Variants in MAOB observed in about 807,000 individuals in gnomAD.
MAOB encodes amine oxidase [flavin-containing] B.
A neutral mutation model predicts 41.9 loss-of-function variants in MAOB; 15 were observed. The observed-to-expected ratio is 0.36, with a 90% CI of 0.24 to 0.55. MAOB has a LOEUF of 0.55. MAOB is among the 20% of genes least tolerant of loss of function. The pLI is 0.86. For synonymous variants in MAOB, 167 were observed against 144.2 expected, an observed-to-expected ratio of 1.16 and a Z score of -1.13; for missense variants, 345 against 398.7, an observed-to-expected ratio of 0.87 and a Z score of 1.15.
chrX:43,802,311 CTTTTA>C, intron 4 of MAOB, 48 bp from the exon 5 acceptor site: 8 of 860,471 alleles, frequency 9.3e-6, no homozygotes, highest in Non-Finnish European at 1.3e-5. Flanking sequence ...GTAATTTTCT[CTTTTA>C]TTTTATTCAT....
chrX:43,863,348 T>C (rs2035345533), intron 1 of MAOB, among the ~76,000 whole-genome samples: 1 of 111,677 alleles, frequency 9.0e-6, no homozygotes, highest in African/African-American at 3.2e-5. Flanking sequence ...TCATAAAGAC[T>C]GTAATAATAT....
chrX:43,856,049 A>T (rs767014924), intron 1 of MAOB, among the ~76,000 whole-genome samples: 1 of 111,285 alleles, frequency 9.0e-6, no homozygotes, highest in Non-Finnish European at 1.9e-5. Flanking sequence ...AACAAAAAAA[A>T]CCCCAAAACT....
At chrX:43,828,309 C>G (rs775280907) in intron 3 of MAOB, among the ~76,000 whole-genome samples, 20 of 112,044 alleles carry the variant, frequency 1.8e-4, no homozygotes, top group Non-Finnish European at 3.4e-4. Context: ...GCTCTCTATT[C>G]TTACGTTTAT....
chrX:43,828,622 C>T (rs761861067), intron 3 of MAOB, among the ~76,000 whole-genome samples: 14 of 111,436 alleles, frequency 1.3e-4, no homozygotes, highest in African/African-American at 4.2e-4. Context: ...CAATTCAGTC[C>T]TCAGCACCCT....
chrX:43,798,710 T>C lies in MAOB; in HGVS notation c.477-1444A>G, dbSNP rs532148788. ...CTTTGACATGAAGTTTGCATATTGT[T>C]AATCTTGTTATATCTGAGGCAGCAT... On this transcript the variant is annotated intron_variant, in intron 5 of 14. Transcript: ENST00000378069. 6.3e-5 allele frequency among the ~76,000 whole-genome samples: 7 copies of C among 111,930 alleles called. No homozygotes were observed. The South Asian group carries it at 1.9e-3, about 30-fold the overall frequency.
At chrX:43,809,509 T>C (rs915640912) in intron 3 of MAOB, among the ~76,000 whole-genome samples, 2 of 112,612 alleles carry the variant, frequency 1.8e-5, no homozygotes, top group East Asian at 5.6e-4. Flanking sequence ...AAATCTTCTT[T>C]TGTAAGATTA....
intron 12 of MAOB, among the ~76,000 whole-genome samples, chrX:43,774,679 C>T (rs1046403616): frequency 2.7e-5 from 3 of 111,525 alleles, no homozygotes; most frequent in South Asian, 3.8e-4. Flanking sequence ...ATTTTGTCCC[C>T]GTGTTGGCAG....
chrX:43,779,864 A>G (rs893722201), intron 10 of MAOB, among the ~76,000 whole-genome samples: 1 of 111,712 alleles, frequency 9.0e-6, no homozygotes, highest in Non-Finnish European at 1.9e-5. Flanking sequence ...ACTAATTGCA[A>G]GAAGAAATTG....
At chrX:43,812,428 T>C (rs2034760059) in intron 3 of MAOB, among the ~76,000 whole-genome samples, 1 of 112,116 alleles carries the variant, frequency 8.9e-6, no homozygotes, top group Non-Finnish European at 1.9e-5. Flanking sequence ...CAAATGGTTC[T>C]CCATAGTGGT....
chrX:43,826,837 C>G (rs1439464506), intron 3 of MAOB, among the ~76,000 whole-genome samples: 1 of 111,925 alleles, frequency 8.9e-6, no homozygotes, highest in Non-Finnish European at 1.9e-5. Context: ...ATTACCTAAT[C>G]ACCTCTTAAA....
intron 3 of MAOB, among the ~76,000 whole-genome samples, chrX:43,805,215 T>C (rs5906017): frequency 6.5e-4 from 73 of 111,719 alleles, no homozygotes; most frequent in Non-Finnish European, 1.3e-3. Context: ...TACAATACAT[T>C]GTTTTTAACT....
At chrX:43,807,083 T>C (rs745619651) in intron 3 of MAOB, among the ~76,000 whole-genome samples, 8 of 112,241 alleles carry the variant, frequency 7.1e-5, no homozygotes, top group African/African-American at 2.6e-4. Flanking sequence ...GCATGCTGAT[T>C]TTGTTTTATA....
chrX:43,788,857 A>C (rs1388412027), intron 8 of MAOB, among the ~76,000 whole-genome samples: 1 of 111,445 alleles, frequency 9.0e-6, no homozygotes, highest in Non-Finnish European at 1.9e-5. Context: ...ATGTATTTCC[A>C]GTATATATAG....
intron 9 of MAOB, 116 bp downstream of exon 9, chrX:43,781,332 T>C: frequency 8.6e-6 from 3 of 349,584 alleles, no homozygotes; most frequent in Middle Eastern, 1.0e-3. Flanking sequence ...ATTTGAAAAA[T>C]AATACCACTG....
chrX:43,838,781 A>C (rs1406627497), intron 3 of MAOB, 87 bp downstream of exon 3: 1 of 884,829 alleles, frequency 1.1e-6, no homozygotes, highest in Non-Finnish European at 1.5e-6. Flanking sequence ...GAGATATAGA[A>C]GATTCTCTGA....
intron 1 of MAOB, among the ~76,000 whole-genome samples, chrX:43,879,006 A>G (rs1056521445): frequency 1.6e-4 from 18 of 111,924 alleles, no homozygotes; most frequent in African/African-American, 4.9e-4. Flanking sequence ...GGGATTGAAC[A>G]AGAACTATTC....
chrX:43,816,079 C>T (rs1432251873), intron 3 of MAOB, among the ~76,000 whole-genome samples: 2 of 111,698 alleles, frequency 1.8e-5, no homozygotes, highest in East Asian at 2.8e-4. Flanking sequence ...TTGAATTTCA[C>T]AGCAAAAATT....
intron 3 of MAOB, among the ~76,000 whole-genome samples, chrX:43,804,327 T>C (rs2034635333): frequency 1.8e-5 from 2 of 111,530 alleles, no homozygotes; most frequent in Admixed American, 1.9e-4. Flanking sequence ...TTTGTTCTTG[T>C]ATTAATTCTG....
In MAOB at chrX:43,846,973, G is replaced by A. The variant is rs181926408; in HGVS notation, c.47-3209C>T. ...GAAATACATTTGCCTTAAAACATTAGACAATGTAATCGCCACTGTTTAAAC... is the reference window on the plus strand; with the variant it reads ...GAAATACATTTGCCTTAAAACATTAAACAATGTAATCGCCACTGTTTAAAC... On this transcript the variant is annotated intron_variant, in intron 1 of 14. Coordinates refer to ENST00000378069, the MANE Select transcript of MAOB (RefSeq NM_000898.5). 6.0e-3 allele frequency among the ~76,000 whole-genome samples: 676 copies of A among 112,241 alleles called. 12 individuals are homozygous for A. Among genetic ancestry groups the A allele is most frequent in the Admixed American group, 0.047 (498 of 10,609 alleles).
Sources: allele counts gnomAD v4.1 joint callset (sites outside exome capture counted in the v4.1 genomes callset), GRCh38; gene constraint gnomAD v4.1.1; transcripts MANE v1.5; gene names NCBI Gene and HGNC (gene_info 2026-07-23, HGNC 2026-07-21).